DPP10: variants seen among roughly 807,000 people sequenced by gnomAD.
DPP10 encodes inactive dipeptidyl peptidase 10.
DPP10 carries 33 observed loss-of-function variants against 120.9 expected under a neutral mutation model. The ratio of observed to expected loss-of-function variants is 0.27; its 90% CI spans 0.21 to 0.37. The LOEUF is 0.37. Ranked by LOEUF, DPP10 falls within the 10% of genes least tolerant of loss-of-function variation. The pLI, the probability that DPP10 is intolerant of heterozygous loss-of-function variation, is 1.00. For synonymous variants in DPP10, 337 were observed against 326.1 expected, an observed-to-expected ratio of 1.03 and a Z score of -0.36; for missense variants, 816 against 942.8, an observed-to-expected ratio of 0.87 and a Z score of 1.76.
chr2:115,681,985 T>C (rs1654671843), intron 5 of DPP10, among the ~76,000 whole-genome samples: 1 of 151,912 alleles, frequency 6.6e-6, no homozygotes, highest in Admixed American at 6.6e-5. Context: ...CAAGGGCTTG[T>C]AATTTCCTAT....
At chr2:115,040,615 G>A (rs1704564235) in intron 1 of DPP10, among the ~76,000 whole-genome samples, 1 of 151,842 alleles carries the variant, frequency 6.6e-6, no homozygotes, top group Non-Finnish European at 1.5e-5. Context: ...ATGTCAAATT[G>A]TAATCCCCAG....
At chr2:115,384,448 A>AGAAGAAGAAG (rs1306700747) in intron 3 of DPP10, among the ~76,000 whole-genome samples, 33 of 125,194 alleles carry the variant, frequency 2.6e-4, no homozygotes, top group Middle Eastern at 4.0e-3. Context: ...AAGAGGAGGA[A>AGAAGAAGAAG]GAAGAAGAAG....
At chr2:115,783,242 T>A (rs1191901359) in intron 17 of DPP10, among the ~76,000 whole-genome samples, 1 of 152,074 alleles carries the variant, frequency 6.6e-6, no homozygotes, top group African/African-American at 2.4e-5. Context: ...GTGAGAAAAA[T>A]TAGTCTCAAA....
Position 115,367,192 on chromosome 2 carries a change from C to G in DPP10, c.271+23280C>G, listed in dbSNP as rs185281733. Among the ~76,000 whole-genome samples, 161 of 152,030 alleles carry G rather than the reference C, an allele frequency of 1.1e-3. 1 individual carries two copies. The highest frequency in any genetic ancestry group is 0.01 in the Middle Eastern group (3 of 294). On this transcript the variant is annotated intron_variant, in intron 3 of 25. Coordinates refer to ENST00000410059, the MANE Select transcript of DPP10 (RefSeq NM_020868.6). ...ATTTTAGATGTAATGGACAGACAGT[C>G]AGACAATAGTACCATGGCATAGAGT...
chr2:115,233,312 C>T lies in DPP10; in HGVS notation c.61-75927C>T, dbSNP rs544346538. On this transcript the variant is annotated intron_variant, in intron 1 of 25. Transcript: ENST00000410059. ...TCCAAGAACTGTTCCCACTGTGCTTCCCGAAAGAAAACCGTCTGATTTCAT... is the reference window on the plus strand; with the variant it reads ...TCCAAGAACTGTTCCCACTGTGCTTTCCGAAAGAAAACCGTCTGATTTCAT... Among the ~76,000 whole-genome samples, 7 of 152,056 alleles carry T rather than the reference C, an allele frequency of 4.6e-5. No homozygotes were observed. In the East Asian group the frequency reaches 7.7e-4, roughly 17 times the overall value.
chr2:114,975,483 T>G (rs1261447218), intron 1 of DPP10, among the ~76,000 whole-genome samples: 3 of 152,202 alleles, frequency 2.0e-5, no homozygotes, highest in East Asian at 3.8e-4. Flanking sequence ...GAACTTCAAC[T>G]AGGGGCTATG....
chr2:114,641,383 T>A (rs1695695780), intron 1 of DPP10, among the ~76,000 whole-genome samples: 1 of 151,898 alleles, frequency 6.6e-6, no homozygotes, highest in South Asian at 2.1e-4. Flanking sequence ...AATGATGAGT[T>A]CTTTTTCTTG....
chr2:114,769,874 G>A (rs1041768644), intron 1 of DPP10, among the ~76,000 whole-genome samples: 2 of 152,172 alleles, frequency 1.3e-5, no homozygotes, highest in South Asian at 2.1e-4. Context: ...AGATGAAGAT[G>A]AGAATGTCAG....
chr2:115,004,658 G>A (rs550154737), intron 1 of DPP10, among the ~76,000 whole-genome samples: 35 of 152,264 alleles, frequency 2.3e-4, no homozygotes, highest in African/African-American at 3.4e-4. Context: ...GCACTTTTCC[G>A]TTGGGCTTAA....
At chr2:115,572,021 C>T (rs2081364059) in intron 5 of DPP10, among the ~76,000 whole-genome samples, 1 of 152,060 alleles carries the variant, frequency 6.6e-6, no homozygotes, top group African/African-American at 2.4e-5. Flanking sequence ...CTGAACAAAT[C>T]AAAGCTGTCT....
intron 5 of DPP10, among the ~76,000 whole-genome samples, chr2:115,551,931 C>T (rs560203333): frequency 2.0e-5 from 3 of 152,220 alleles, no homozygotes; most frequent in African/African-American, 7.2e-5. Flanking sequence ...CAGCTAATTT[C>T]ATTTGTTCTG....
intron 1 of DPP10, among the ~76,000 whole-genome samples, chr2:114,587,354 C>T (rs921692992): frequency 6.6e-6 from 1 of 150,418 alleles, no homozygotes; most frequent in South Asian, 2.1e-4. Context: ...CACACAGACA[C>T]ACACAGCCTC....
In DPP10 at chr2:114,512,467, T is replaced by A. The variant is rs144499244; in HGVS notation, c.60+69629T>A. 1.6e-4 allele frequency among the ~76,000 whole-genome samples: 25 copies of A among 152,322 alleles called. No homozygotes were observed. In the East Asian group the frequency reaches 4.1e-3, roughly 25 times the overall value. On this transcript the variant is annotated intron_variant, in intron 1 of 25. Transcript: ENST00000410059. ...TTGGTGCACCCCTTAGAGAGCCTAG[T>A]GTGGTTCAGACAAACCTGATGAGAT...
At chr2:115,228,077 T>C (rs1428639742) in intron 1 of DPP10, among the ~76,000 whole-genome samples, 2 of 151,904 alleles carry the variant, frequency 1.3e-5, no homozygotes, top group Admixed American at 1.3e-4. Flanking sequence ...TGTGCACTAT[T>C]ATGCCTTGCT....
rs983879915 is a variant in DPP10 at position 114,875,572 on chromosome 2, A to G, written c.60+432734A>G. Among the ~76,000 whole-genome samples, 29 of 152,154 alleles carry G rather than the reference A, an allele frequency of 1.9e-4. 1 individual carries two copies. Among genetic ancestry groups the G allele is most frequent in the Admixed American group, 1.8e-3 (28 of 15,252 alleles). ...TGATGAAAAATAACAAATTTTGAGA[A>G]GAAGAAAAGAAGTAAGGCAGTTCAG... On this transcript the variant is annotated intron_variant, in intron 1 of 25. Coordinates refer to ENST00000410059, the MANE Select transcript of DPP10 (RefSeq NM_020868.6).
intron 1 of DPP10, among the ~76,000 whole-genome samples, chr2:114,768,564 T>C (rs1680951777): frequency 6.6e-6 from 1 of 152,178 alleles, no homozygotes; most frequent in South Asian, 2.1e-4. Flanking sequence ...TGTTATTAGA[T>C]TGGATCCTCC....
chr2:115,008,048 G>A (rs1450724479), intron 1 of DPP10, among the ~76,000 whole-genome samples: 119 of 148,962 alleles, frequency 8.0e-4, no homozygotes, highest in African/African-American at 2.8e-3. Context: ...AGCTACCAAT[G>A]CCTTTCTTCA....
chr2:115,560,648 TCTC>T (rs2149047256), intron 5 of DPP10, among the ~76,000 whole-genome samples: 2 of 151,068 alleles, frequency 1.3e-5, no homozygotes, highest in South Asian at 4.2e-4. Flanking sequence ...AGGGTCTCCT[TCTC>T]TTGCCCAGGC....
chr2:115,377,816 T>C (rs2065934699), intron 3 of DPP10, among the ~76,000 whole-genome samples: 1 of 152,170 alleles, frequency 6.6e-6, no homozygotes. Flanking sequence ...GGGAATCCTT[T>C]CCCCATTGCT....
Sources: allele counts gnomAD v4.1 joint callset (sites outside exome capture counted in the v4.1 genomes callset), GRCh38; gene constraint gnomAD v4.1.1; transcripts MANE v1.5; gene names NCBI Gene and HGNC (gene_info 2026-07-23, HGNC 2026-07-21).